CBFB: variants seen among roughly 807,000 people sequenced by gnomAD.
CBFB encodes CBF-beta.
In CBFB, 9 loss-of-function variants were observed where a neutral mutation model predicts 30.4. That is an observed-to-expected ratio of 0.30 (90% CI 0.18 to 0.52). The LOEUF (loss-of-function observed/expected upper bound fraction) is 0.52, where lower values mean the gene tolerates loss of function less well. CBFB is among the 20% of genes least tolerant of loss of function. CBFB has a pLI of 0.97. For synonymous variants in CBFB, 94 were observed against 84.0 expected (o/e 1.12, Z -0.65); for missense variants, 170 against 244.0 (o/e 0.70, Z 2.02).
At chr16:67,047,453 A>G (rs1008059167) in intron 3 of CBFB, among the ~76,000 whole-genome samples, 1 of 152,214 alleles carries the variant, frequency 6.6e-6, no homozygotes, top group Admixed American at 6.5e-5. Flanking sequence ...TGTGTTTTAA[A>G]ACTTCAGATG....
chr16:67,072,518 G>A (rs1309334525), intron 4 of CBFB, among the ~76,000 whole-genome samples: 1 of 151,400 alleles, frequency 6.6e-6, no homozygotes, highest in Non-Finnish European at 1.5e-5. Context: ...CCCGGCTGGA[G>A]TGCAATGGCA....
rs530295068 is a variant in CBFB, at chr16:67,098,752, G to A, written c.538G>A (p.Gly180Ser). ...CCCTAGTCCTGGTTCCAATTTAGGT[G>A]GTGGTGATGACCTCAAACTTCGTTA... ...QDPSPGSNLG[G>S]GDDLKLR The change falls in exon 6 of 6, where the codon GGT becomes AGT. Residue 180 changes from glycine to serine, a missense_variant. Physicochemically the swap from Gly to Ser is moderately conservative, Grantham distance 56. Transcript: ENST00000412916. The A allele has an allele frequency of 1.8e-4, 292 of 1,608,426 alleles. 4 individuals carry two copies. In the South Asian group the frequency reaches 3.0e-3, roughly 17 times the overall value.
intron 3 of CBFB, among the ~76,000 whole-genome samples, chr16:67,048,507 C>G (rs1049298722): frequency 6.6e-6 from 1 of 152,054 alleles, no homozygotes; most frequent in Non-Finnish European, 1.5e-5. Flanking sequence ...AAAATTGAAA[C>G]GAAAGTCAGC....
At chr16:67,083,372 T>C (rs1961626637) in intron 5 of CBFB, among the ~76,000 whole-genome samples, 2 of 151,662 alleles carry the variant, frequency 1.3e-5, no homozygotes, top group Non-Finnish European at 2.9e-5. Context: ...CTCGGCTCAC[T>C]GCAGCCTCTG....
intron 3 of CBFB, among the ~76,000 whole-genome samples, chr16:67,054,488 A>G (rs1960654611): frequency 6.6e-6 from 1 of 152,154 alleles, no homozygotes; most frequent in Non-Finnish European, 1.5e-5. Flanking sequence ...TGTGCAGGGT[A>G]CTTGCCAGCC....
chr16:67,093,680 T>G (rs150022735), intron 5 of CBFB: 2 of 152,310 alleles, frequency 1.3e-5, no homozygotes, highest in East Asian at 3.9e-4. Flanking sequence ...AAGAACAGAT[T>G]TGTGCTCTGA....
chr16:67,036,480 A>G (rs540867960), intron 2 of CBFB, 159 bp from the exon 3 acceptor site: 418 of 558,328 alleles, frequency 7.5e-4, no homozygotes, highest in Non-Finnish European at 1.2e-3. Context: ...TTTGTAACTT[A>G]ATACTTAAGA....
At chr16:67,085,204 C>G (rs1221091993) in intron 5 of CBFB, among the ~76,000 whole-genome samples, 2 of 151,916 alleles carry the variant, frequency 1.3e-5, no homozygotes, top group Non-Finnish European at 2.9e-5. Flanking sequence ...GAGTCTCATT[C>G]TGTCGCCCAG....
chr16:67,069,039 A>G (rs912308012), intron 4 of CBFB, among the ~76,000 whole-genome samples: 10 of 152,134 alleles, frequency 6.6e-5, no homozygotes, highest in Admixed American at 3.9e-4. Flanking sequence ...ACATGGTGAA[A>G]CCCCATCTCT....
At chr16:67,033,553 C>G (rs1966389880) in intron 2 of CBFB, among the ~76,000 whole-genome samples, 1 of 151,212 alleles carries the variant, frequency 6.6e-6, no homozygotes, top group African/African-American at 2.4e-5. Flanking sequence ...CTGCTGGCCT[C>G]AAGTGATGTG....
At chr16:67,075,724 A>AG (rs1961377245) in intron 4 of CBFB, among the ~76,000 whole-genome samples, 1 of 152,230 alleles carries the variant, frequency 6.6e-6, no homozygotes, top group African/African-American at 2.4e-5. Context: ...GGCCATTAAC[A>AG]GTGAAATTTA....
At position 67,099,548 on chromosome 16, in the gene CBFB, C is replaced by T; in HGVS notation, c.*770C>T. On this transcript the variant is annotated 3_prime_UTR_variant, in exon 6 of 6. Transcript: ENST00000412916. Reference sequence around the variant, plus strand: ...GGATTACAGGCTCTTTCTTTTTAAACATAAAAGTTTTAAATTGGTATTAAC... The same window carrying T: ...GGATTACAGGCTCTTTCTTTTTAAATATAAAAGTTTTAAATTGGTATTAAC... 5.0e-6 allele frequency: 1 copy of T among 200,070 alleles called. No homozygotes were observed. The highest frequency in any genetic ancestry group is 1.0e-5 in the Non-Finnish European group (1 of 96,976). The allele number at this position is 200,070 out of a possible 1,614,324, so 12.4% of individuals were successfully genotyped here.
chr16:67,057,845 G>A (rs1419965561), intron 3 of CBFB, among the ~76,000 whole-genome samples: 1 of 151,506 alleles, frequency 6.6e-6, no homozygotes, highest in Non-Finnish European at 1.5e-5. Flanking sequence ...TGAATTTTTT[G>A]GTTTTGTTCC....
intron 2 of CBFB, 168 bp downstream of exon 2, chr16:67,029,981 T>G (rs915777026): frequency 1.0e-5 from 5 of 478,908 alleles, no homozygotes; most frequent in Non-Finnish European, 1.8e-5. Context: ...CGCGGGCCGG[T>G]ACTCGCGGGG....
At chr16:67,053,162 G>A (rs1960608432) in intron 3 of CBFB, among the ~76,000 whole-genome samples, 1 of 150,420 alleles carries the variant, frequency 6.6e-6, no homozygotes, top group African/African-American at 2.5e-5. Context: ...TCTAAATAAC[G>A]CATTGTTTAG....
intron 5 of CBFB, chr16:67,093,306 A>G (rs532841878): frequency 1.3e-5 from 2 of 151,328 alleles, no homozygotes; most frequent in Non-Finnish European, 2.9e-5. Flanking sequence ...CATAGTACAC[A>G]CTCAATAAAA....
chr16:67,064,119 T>G (rs1960986873), intron 3 of CBFB, among the ~76,000 whole-genome samples: 1 of 152,220 alleles, frequency 6.6e-6, no homozygotes, highest in Non-Finnish European at 1.5e-5. Context: ...TAAAAATACC[T>G]TGTTCAAGGC....
intron 4 of CBFB, among the ~76,000 whole-genome samples, chr16:67,070,687 CAA>C (rs61490536): frequency 2.2e-5 from 3 of 137,910 alleles, no homozygotes; most frequent in Non-Finnish European, 3.2e-5. Context: ...CTGTCTCTAC[CAA>C]AAAAAAAAAA....
intron 3 of CBFB, among the ~76,000 whole-genome samples, chr16:67,044,044 C>G (rs1387700287): frequency 1.3e-5 from 2 of 152,202 alleles, no homozygotes; most frequent in African/African-American, 4.8e-5. Flanking sequence ...CCAGGCAACT[C>G]CAGTTCCTTT....
Sources: gnomAD v4.1 joint callset for allele counts (sites outside exome capture counted in the v4.1 genomes callset) on GRCh38, gnomAD v4.1.1 for gene constraint, MANE v1.5 for transcripts, NCBI Gene and HGNC (gene_info 2026-07-23, HGNC 2026-07-21) for gene names.